The following RBM25 variants were observed in gnomAD, a reference collection of about 807,000 sequenced individuals.
RBM25 encodes the protein RNA binding motif protein 25, also known as RNA-binding protein 25.
Under a neutral mutation model 120.7 loss-of-function variants are expected in RBM25, and 19 were observed. The ratio of observed to expected loss-of-function variants is 0.16; its 90% CI spans 0.11 to 0.23. RBM25 has a LOEUF of 0.23. Ranked by LOEUF, RBM25 falls within the 10% of genes least tolerant of loss-of-function variation. The pLI, the probability that RBM25 is intolerant of heterozygous loss-of-function variation, is 1.00. For synonymous variants in RBM25, 390 were observed against 326.7 expected (o/e 1.19, Z -2.09); for missense variants, 605 against 1,041.5 (o/e 0.58, Z 5.77).
In RBM25 at chr14:73,122,878, C is replaced by A. The variant is rs375232902; in HGVS notation, c.*3073C>A. On this transcript the variant is annotated 3_prime_UTR_variant, in exon 19 of 19. Transcript: ENST00000261973. ...CATTTTGATTAGCACTTTAAGGTGT[C>A]TATTCAGTATTATTTTATCCTAACA... The A allele has an allele frequency of 6.6e-5, 10 of 152,270 alleles. No homozygotes were observed. The highest frequency in any genetic ancestry group is 1.9e-4 in the East Asian group (1 of 5,186). The allele number at this position is 152,270 out of a possible 1,614,324, so 9.4% of individuals were successfully genotyped here. A position where few individuals can be genotyped will look rare whatever the true frequency, so the allele number is the denominator to read the frequency against.
intron 3 of RBM25, 50 bp from the exon 4 acceptor site, chr14:73,077,319 G>T: frequency 1.4e-6 from 2 of 1,474,100 alleles, no homozygotes; most frequent in Admixed American, 2.0e-5. Flanking sequence ...GTTAATTGTG[G>T]TAGGAAATTT....
chr14:73,083,115 T>C (rs1895603253), intron 4 of RBM25, among the ~76,000 whole-genome samples: 1 of 152,098 alleles, frequency 6.6e-6, no homozygotes, highest in African/African-American at 2.4e-5. Flanking sequence ...TACATACATA[T>C]TGTTTCAAAA....
chr14:73,089,839 G>A lies in RBM25; in HGVS notation c.543+1678G>A, dbSNP rs1465544388. ...CCGCCACCAGGCTCGGCTACTTTTT[G>A]TATTTTCACTATGTAAGTGAGGCTG... On this transcript the variant is annotated intron_variant, in intron 6 of 18. Coordinates refer to ENST00000261973, the MANE Select transcript of RBM25 (RefSeq NM_021239.3). Among the ~76,000 whole-genome samples the A allele has an allele frequency of 8.6e-5, 13 of 151,192 alleles. No individual in the cohort carries two copies. The Admixed American group carries it at 8.6e-4, about 10-fold the overall frequency.
At chr14:73,109,620 C>T (rs1035212507) in intron 14 of RBM25, 128 bp downstream of exon 14, 11 of 823,258 alleles carry the variant, frequency 1.3e-5, no homozygotes, top group East Asian at 3.1e-5. Flanking sequence ...GGTGAAACCC[C>T]GTCTCTATTA....
At chr14:73,109,915 C>T (rs192050634) in intron 14 of RBM25, among the ~76,000 whole-genome samples, 16 of 151,884 alleles carry the variant, frequency 1.1e-4, no homozygotes, top group East Asian at 5.8e-4. Flanking sequence ...GATGGGGTCT[C>T]GCTGTGTCGC....
intron 1 of RBM25, among the ~76,000 whole-genome samples, chr14:73,059,613 A>C (rs1894951695): frequency 6.6e-6 from 1 of 152,162 alleles, no homozygotes; most frequent in Admixed American, 6.5e-5. Context: ...ATTAGTGTGA[A>C]GTACTCTGTG....
At chr14:73,062,496 G>C (rs1229397815) in intron 1 of RBM25, among the ~76,000 whole-genome samples, 1 of 151,196 alleles carries the variant, frequency 6.6e-6, no homozygotes, top group Non-Finnish European at 1.5e-5. Context: ...AAATAATTTT[G>C]TTTCTATCTG....
rs11390922 is a variant in RBM25, at chr14:73,097,196, C to CTTTTTTTTTT, written c.729+109_729+118dup. On this transcript the variant is annotated intron_variant, in intron 7 of 18. Transcript: ENST00000261973. ...ACATGTCAGTTTTCTTTTTTCTTTTCTTTTTTTTTTTTTTTTTTTTTTGAG... is the reference window on the plus strand; with the variant it reads ...ACATGTCAGTTTTCTTTTTTCTTTTCTTTTTTTTTTTTTTTTTTTTTTTTTTTTTTTTGAG... 1.5e-3 allele frequency: 204 copies of CTTTTTTTTTT among 140,062 alleles called. 18 individuals are homozygous for CTTTTTTTTTT. Among genetic ancestry groups the CTTTTTTTTTT allele is most frequent in the African/African-American group, 2.9e-3 (45 of 15,630 alleles). 8.7% of individuals were successfully genotyped at this position (140,062 alleles called of 1,614,324 possible).
At chr14:73,092,511 A>G (rs2140444912) in intron 6 of RBM25, among the ~76,000 whole-genome samples, 1 of 152,174 alleles carries the variant, frequency 6.6e-6, no homozygotes, top group South Asian at 2.1e-4. Flanking sequence ...CTAAAAAGGA[A>G]ACATGAGTTT....
rs188541111 is a variant in RBM25, at chr14:73,087,401, T to C, written c.383-600T>C. On this transcript the variant is annotated intron_variant, in intron 5 of 18. Coordinates refer to ENST00000261973, the MANE Select transcript of RBM25 (RefSeq NM_021239.3). ...ATGAAATAATTGACTCCTTTCTTTT[T>C]TTTTTTTTTTTTGAGACGGAGTCTC... 2.5e-3 allele frequency among the ~76,000 whole-genome samples: 384 copies of C among 151,188 alleles called. 2 individuals are homozygous for C. Among genetic ancestry groups the C allele is most frequent in the African/African-American group, 8.9e-3 (368 of 41,336 alleles).
intron 1 of RBM25, among the ~76,000 whole-genome samples, chr14:73,070,395 T>G (rs1261366874): frequency 1.3e-5 from 2 of 152,046 alleles, no homozygotes; most frequent in African/African-American, 4.8e-5. Context: ...TAGCTTCTGA[T>G]TCTTCAGTTT....
chr14:73,080,272 G>A (rs1895529497), intron 4 of RBM25, among the ~76,000 whole-genome samples: 1 of 119,076 alleles, frequency 8.4e-6, no homozygotes, highest in African/African-American at 3.3e-5. Flanking sequence ...CGCCCAGGCT[G>A]TAGTGCAGTG....
chr14:73,115,840 T>C (rs958498937), intron 18 of RBM25, among the ~76,000 whole-genome samples: 2 of 152,184 alleles, frequency 1.3e-5, no homozygotes, highest in Middle Eastern at 3.2e-3. Context: ...AAGGAGAGGT[T>C]ATGGTCAGAG....
chr14:73,061,485 T>C (rs1225699897), intron 1 of RBM25, among the ~76,000 whole-genome samples: 3 of 151,592 alleles, frequency 2.0e-5, no homozygotes, highest in East Asian at 3.9e-4. Context: ...GGATTCCTTC[T>C]GTCTGTTTGC....
At chr14:73,087,396 C>CTTTTT (rs763206419) in intron 5 of RBM25, among the ~76,000 whole-genome samples, 1 of 136,776 alleles carries the variant, frequency 7.3e-6, no homozygotes. Context: ...TGACTCCTTT[C>CTTTTT]TTTTTTTTTT....
intron 1 of RBM25, among the ~76,000 whole-genome samples, chr14:73,065,494 G>A (rs887232214): frequency 6.7e-6 from 1 of 149,958 alleles, no homozygotes; most frequent in African/African-American, 2.5e-5. Context: ...GCGCAGTCTT[G>A]GCTCACTGCA....
At chr14:73,073,520 T>G (rs944566406) in intron 2 of RBM25, among the ~76,000 whole-genome samples, 3 of 152,158 alleles carry the variant, frequency 2.0e-5, no homozygotes, top group Admixed American at 6.5e-5. Flanking sequence ...AAATGCCATC[T>G]CTGCTAAAAA....
intron 6 of RBM25, chr14:73,088,525 CTTT>C: frequency 5.1e-6 from 2 of 393,796 alleles, no homozygotes; most frequent in South Asian, 1.9e-5. Context: ...GTTTCCCTCT[CTTT>C]TAGAAGTACA....
chr14:73,103,568 G>T, intron 10 of RBM25, 90 bp downstream of exon 10: 2 of 1,487,514 alleles, frequency 1.3e-6, no homozygotes, highest in Non-Finnish European at 8.9e-7. Flanking sequence ...CATGGAATGA[G>T]AACTTTTGTG....
Sources: gnomAD v4.1 joint callset for allele counts (sites outside exome capture counted in the v4.1 genomes callset) on GRCh38, gnomAD v4.1.1 for gene constraint, MANE v1.5 for transcripts, NCBI Gene and HGNC (gene_info 2026-07-23, HGNC 2026-07-21) for gene names.